The following KRAS variants were observed in gnomAD, a reference collection of about 807,000 sequenced individuals.
The protein encoded by KRAS is KRas proto-oncogene, GTPase, also known as GTPase KRas.
KRAS carries 1 observed loss-of-function variant against 21.0 expected under a neutral mutation model. That is an observed-to-expected ratio of 0.05 (90% confidence interval 0.02 to 0.23). The LOEUF is 0.23. Ranked by LOEUF, KRAS falls within the 10% of genes least tolerant of loss-of-function variation. KRAS has a pLI of 1.00. For missense variants in KRAS, 107 were observed against 221.8 expected (o/e 0.48, Z 3.29); for synonymous variants, 67 against 72.5 (o/e 0.92, Z 0.39).
intron 2 of KRAS, among the ~76,000 whole-genome samples, chr12:25,239,512 T>C (rs1231472331): frequency 6.6e-6 from 1 of 152,098 alleles, no homozygotes; most frequent in Non-Finnish European, 1.5e-5. Flanking sequence ...TAGATAACAC[T>C]GCAAGATCCA....
rs1334360849 is a variant in KRAS, at chr12:25,206,992, C to T, written c.*2803G>A. 2 of 206,112 alleles carry T rather than the reference C, an allele frequency of 9.7e-6. No homozygotes were observed. Among genetic ancestry groups the T allele is most frequent in the African/African-American group, 4.6e-5 (2 of 43,796 alleles). The allele number at this position is 206,112 out of a possible 1,614,324, so 12.8% of individuals were successfully genotyped here. On this transcript the variant is annotated 3_prime_UTR_variant, in exon 5 of 5. Transcript: ENST00000311936. ...CAATGAAGTGATTTACATAAAGTAG[C>T]TTGATCGAAGAGTTTCAGTGGAATC...
Position 25,208,176 on chromosome 12 carries a change from A to AC in KRAS, c.*1618_*1619insG, listed in dbSNP as rs1951161017. ...ATAAATTACATAGTTGTAAAAAAAAAAAACTAAGAGTTTGAGATGACTTCT... is the reference window on the plus strand; with the variant it reads ...ATAAATTACATAGTTGTAAAAAAAAACAAACTAAGAGTTTGAGATGACTTCT... On this transcript the variant is annotated 3_prime_UTR_variant, in exon 5 of 5. Coordinates refer to ENST00000311936, the MANE Select transcript of KRAS (RefSeq NM_004985.5). 3 of 233,064 alleles carry AC rather than the reference A, an allele frequency of 1.3e-5. No homozygotes were observed. The East Asian group carries it at 1.8e-4, about 14-fold the overall frequency. 14.4% of individuals were successfully genotyped at this position (233,064 alleles called of 1,614,324 possible).
Position 25,207,005 on chromosome 12 carries a change from T to C in KRAS, c.*2790A>G, listed in dbSNP as rs1179142755. 1 of 207,722 alleles carries C rather than the reference T, an allele frequency of 4.8e-6. No individual in the cohort carries two copies. The highest frequency in any genetic ancestry group is 9.8e-6 in the Non-Finnish European group (1 of 102,018). The allele number at this position is 207,722 out of a possible 1,614,324, so 12.9% of individuals were successfully genotyped here. ...TACATAAAGTAGCTTGATCGAAGAG[T>C]TTCAGTGGAATCGTAGCAAAACAAT... On this transcript the variant is annotated 3_prime_UTR_variant, in exon 5 of 5. Transcript: ENST00000311936.
At chr12:25,241,503 G>A (rs187053260) in intron 2 of KRAS, among the ~76,000 whole-genome samples, 43 of 152,266 alleles carry the variant, frequency 2.8e-4, no homozygotes, top group Admixed American at 7.2e-4. Context: ...TATCATTAAC[G>A]TACAAAAGTT....
At chr12:25,234,898 ATT>A (rs1273944580) in intron 2 of KRAS, 1 of 238,648 alleles carries the variant, frequency 4.2e-6, no homozygotes, top group Non-Finnish European at 8.1e-6. Context: ...CCAAGTATAG[ATT>A]TTGTTTACTA....
At chr12:25,248,739 AG>A (rs1195683778) in intron 1 of KRAS, among the ~76,000 whole-genome samples, 1 of 152,164 alleles carries the variant, frequency 6.6e-6, no homozygotes, top group Non-Finnish European at 1.5e-5. Flanking sequence ...ACCGAGAGTT[AG>A]AAAAGCTAGT....
At chr12:25,243,615 A>G (rs746602991) in intron 2 of KRAS, among the ~76,000 whole-genome samples, 4 of 152,204 alleles carry the variant, frequency 2.6e-5, no homozygotes, top group African/African-American at 7.2e-5. Context: ...GATTGGAAAC[A>G]AAGTGTAATG....
chr12:25,213,075 T>G lies in KRAS; in HGVS notation c.451-3164A>C, dbSNP rs557605101. 1.2e-3 allele frequency among the ~76,000 whole-genome samples: 185 copies of G among 152,058 alleles called. 1 individual carries two copies. Among genetic ancestry groups the G allele is most frequent in the South Asian group, 6.0e-3 (29 of 4,826 alleles). On this transcript the variant is annotated intron_variant, in intron 4 of 4. Transcript: ENST00000311936. ...ACCACAGCCAGCTTGTCAAATAAAT[T>G]TTTTTTTAAATTGTATTTAATTTTA...
At chr12:25,237,380 T>C (rs2135796657) in intron 2 of KRAS, among the ~76,000 whole-genome samples, 1 of 152,336 alleles carries the variant, frequency 6.6e-6, no homozygotes, top group African/African-American at 2.4e-5. Context: ...TTGTATGCTA[T>C]GTGAATACAT....
intron 2 of KRAS, among the ~76,000 whole-genome samples, chr12:25,229,904 G>A (rs186245758): frequency 6.6e-6 from 1 of 152,168 alleles, no homozygotes; most frequent in Non-Finnish European, 1.5e-5. Context: ...GAGTAGCTGG[G>A]ATTCTAGGTG....
At chr12:25,215,091 TAAAA>T (rs775121370) in intron 4 of KRAS, 133 of 87,686 alleles carry the variant, frequency 1.5e-3, no homozygotes, top group Middle Eastern at 7.9e-3. Flanking sequence ...TTCTCCCTAC[TAAAA>T]AAAAAAAAAA....
chr12:25,209,713 A>C lies in KRAS; in HGVS notation c.*82T>G. On this transcript the variant is annotated 3_prime_UTR_variant, in exon 5 of 5. Coordinates refer to ENST00000311936, the MANE Select transcript of KRAS (RefSeq NM_004985.5). ...GCAGGAAAAAAATTAGGTAATGCTA[A>C]AACAAATGCTAATAATTTAGTGTAA... The C allele has an allele frequency of 2.6e-6, 4 of 1,555,010 alleles. No homozygotes were observed. The highest frequency in any genetic ancestry group is 2.6e-6 in the Non-Finnish European group (3 of 1,151,164).
At chr12:25,238,418 T>G (rs1483013519) in intron 2 of KRAS, among the ~76,000 whole-genome samples, 3 of 152,194 alleles carry the variant, frequency 2.0e-5, no homozygotes, top group Non-Finnish European at 4.4e-5. Context: ...ATTATATACC[T>G]CTCATATTAT....
chr12:25,215,115 A>AAC, intron 4 of KRAS: 1 of 258,304 alleles, frequency 3.9e-6, no homozygotes, highest in African/African-American at 2.3e-5. Flanking sequence ...AAAAAAAAAA[A>AAC]GCTGCTGATT....
chr12:25,214,154 A>G (rs967552547), intron 4 of KRAS, among the ~76,000 whole-genome samples: 1 of 152,192 alleles, frequency 6.6e-6, no homozygotes, highest in Admixed American at 6.5e-5. Flanking sequence ...GAATCATGAG[A>G]GTGTTAGCTA....
Position 25,225,286 on chromosome 12 carries a change from T to TTATTTATATATATATA in KRAS, c.450+327_450+328insTATATATATATAAATA, listed in dbSNP as rs1486092988. ...ACGCAAAAATTTGTTGCCCTGTTCT[T>TTATTTATATATATATA]TATATATATATATATATATATATAT... On this transcript the variant is annotated intron_variant, in intron 4 of 4. Transcript: ENST00000311936. 8 of 10,624 alleles carry TTATTTATATATATATA rather than the reference T, an allele frequency of 7.5e-4. 1 individual carries two copies. The highest frequency in any genetic ancestry group is 1.0e-3 in the Non-Finnish European group (6 of 5,806). 0.7% of individuals were successfully genotyped at this position (10,624 alleles called of 1,614,324 possible).
chr12:25,212,268 A>C (rs1951207047), intron 4 of KRAS, among the ~76,000 whole-genome samples: 1 of 152,238 alleles, frequency 6.6e-6, no homozygotes. Flanking sequence ...CAATGGTACT[A>C]AAATGGTAAA....
At chr12:25,248,247 G>C (rs1162044521) in intron 1 of KRAS, among the ~76,000 whole-genome samples, 9 of 152,000 alleles carry the variant, frequency 5.9e-5, no homozygotes, top group African/African-American at 1.7e-4. Context: ...GATCACCTGA[G>C]GTCAGGAGGT....
chr12:25,217,530 T>C (rs200818143), intron 4 of KRAS, among the ~76,000 whole-genome samples: 1 of 65,188 alleles, frequency 1.5e-5, no homozygotes, highest in Non-Finnish European at 4.5e-5. Flanking sequence ...AGCAGTCTTA[T>C]CTTATTTTTA....
Sources: allele counts gnomAD v4.1 joint callset (sites outside exome capture counted in the v4.1 genomes callset), GRCh38; gene constraint gnomAD v4.1.1; transcripts MANE v1.5; gene names NCBI Gene and HGNC (gene_info 2026-07-23, HGNC 2026-07-21).